USH2A: variants seen among roughly 807,000 people sequenced by gnomAD.
The protein encoded by USH2A is usherin, also known as Usher syndrome 2A (autosomal recessive, mild).
USH2A carries 443 observed loss-of-function variants against 538.9 expected under a neutral mutation model. The observed-to-expected ratio is 0.82, with a 90% CI of 0.76 to 0.89. The LOEUF (loss-of-function observed/expected upper bound fraction) is 0.89. Among genes scored for constraint, USH2A ranks in the 40% least tolerant of loss-of-function variants. The probability of loss-of-function intolerance (pLI) is 0.00; values close to 1 mark genes in which losing one functional copy is unlikely to be tolerated. For missense variants in USH2A, 6,633 were observed against 6,324.8 expected (o/e 1.05, Z -1.65); for synonymous variants, 2,413 against 2,273.5 (o/e 1.06, Z -1.75).
chr1:216,414,726 A>C (rs1316842942), intron 3 of USH2A, among the ~76,000 whole-genome samples: 2 of 152,100 alleles, frequency 1.3e-5, no homozygotes, highest in Non-Finnish European at 2.9e-5. Context: ...TTATTTTTTC[A>C]CATGCACAGA....
At chr1:216,075,658 T>A (rs1466665928) in intron 27 of USH2A, among the ~76,000 whole-genome samples, 1 of 152,304 alleles carries the variant, frequency 6.6e-6, no homozygotes, top group African/African-American at 2.4e-5. Flanking sequence ...GGCAGAGCAT[T>A]GCCTGTGAGA....
At position 216,413,725 on chromosome 1, in the gene USH2A, G is replaced by T. The variant is rs115764434; in HGVS notation, c.651+4789C>A. ...GCTCTTGAATTGTCAATGTATCAAG[G>T]AGCCCTGAAAATAGCATAGAAAATG... On this transcript the variant is annotated intron_variant, in intron 3 of 71. Coordinates refer to ENST00000307340, the MANE Select transcript of USH2A (RefSeq NM_206933.4). Among the ~76,000 whole-genome samples the T allele has an allele frequency of 2.9e-3, 443 of 152,088 alleles. 5 individuals carry two copies. The highest frequency in any genetic ancestry group is 0.01 in the African/African-American group (420 of 41,526).
Position 215,772,940 on chromosome 1 carries a change from C to A in USH2A, c.10940-6152G>T, listed in dbSNP as rs547728774. 1.2e-4 allele frequency among the ~76,000 whole-genome samples: 19 copies of A among 152,264 alleles called. 1 individual carries two copies. Among genetic ancestry groups the A allele is most frequent in the Non-Finnish European group, 1.9e-4 (13 of 68,022 alleles). On this transcript the variant is annotated intron_variant, in intron 55 of 71. Transcript: ENST00000307340. The stretch of plus-strand genomic sequence containing the variant: ...TAAAGTATTGTGAATAACCATCCTG[C>A]GGGTAAGTCATCTGTCCTGGCACCA...
chr1:215,837,940 C>T (rs766451223), intron 47 of USH2A, 51 bp downstream of exon 47: 1 of 1,415,124 alleles, frequency 7.1e-7, no homozygotes, highest in Non-Finnish European at 1.0e-6. Flanking sequence ...TTTTTATTTT[C>T]ATTTCTTCTG....
Position 215,625,856 on chromosome 1 carries a change from C to T in USH2A, c.15534G>A (p.Glu5178=), listed in dbSNP as rs762874407. The T allele has an allele frequency of 1.9e-6, 3 of 1,614,068 alleles. No individual in the cohort carries two copies. The highest frequency in any genetic ancestry group is 2.5e-6 in the Non-Finnish European group (3 of 1,179,950). The change falls in exon 72 of 72, where the codon GAG becomes GAA. Residue 5178 remains glutamate, a synonymous_variant. Coordinates refer to ENST00000307340, the MANE Select transcript of USH2A (RefSeq NM_206933.4). ...GHNSGLYVDE[E]DLMNAIKDFS... The stretch of plus-strand genomic sequence containing the variant: ...AATCCTTGATGGCGTTCATCAGGTC[C>T]TCTTCATCCACATACTGAAAAATAA...
intron 20 of USH2A, 61 bp downstream of exon 20, chr1:216,190,161 AT>A: frequency 6.2e-7 from 1 of 1,602,734 alleles, no homozygotes. Flanking sequence ...AAGGTGTTGA[AT>A]ATTATAAGTT....
At position 215,836,561 on chromosome 1, in the gene USH2A, A is replaced by ATT. The variant is rs1447368873; in HGVS notation, c.9371+1429_9371+1430insAA. Among the ~76,000 whole-genome samples the ATT allele has an allele frequency of 4.6e-4, 10 of 21,932 alleles. 2 individuals carry two copies. Among genetic ancestry groups the ATT allele is most frequent in the Middle Eastern group, 0.024 (1 of 42 alleles). The allele number at this position is 21,932 out of a possible 152,430, so 14.4% of individuals were successfully genotyped here. On this transcript the variant is annotated intron_variant, in intron 47 of 71. Coordinates refer to ENST00000307340, the MANE Select transcript of USH2A (RefSeq NM_206933.4). ...ATATATAATATATATATATATATAT[A>ATT]TATATTTTTTTTTGAGACAGAGTAT...
chr1:216,377,859 GAAA>G (rs2038861891), intron 3 of USH2A, among the ~76,000 whole-genome samples: 4 of 133,730 alleles, frequency 3.0e-5, no homozygotes, highest in South Asian at 2.5e-4. Flanking sequence ...AAGAAAGAAA[GAAA>G]GAAAGAAGGA....
At chr1:215,720,719 G>A (rs959752611) in intron 61 of USH2A, among the ~76,000 whole-genome samples, 1 of 151,986 alleles carries the variant, frequency 6.6e-6, no homozygotes, top group Admixed American at 6.5e-5. Flanking sequence ...GGCAAAAAAA[G>A]GTTGTAGGGT....
At chr1:216,251,404 A>G (rs530716013) in intron 11 of USH2A, among the ~76,000 whole-genome samples, 38 of 148,748 alleles carry the variant, frequency 2.6e-4, no homozygotes, top group South Asian at 8.5e-4. Flanking sequence ...AATAGAAAAT[A>G]GTCAGCAGTT....
At chr1:215,662,241 G>A (rs556186310) in intron 64 of USH2A, among the ~76,000 whole-genome samples, 1 of 152,320 alleles carries the variant, frequency 6.6e-6, no homozygotes, top group Admixed American at 6.5e-5. Context: ...CATGAGGGCA[G>A]GCTGGAATGG....
At chr1:216,237,489 C>T (rs1355094909) in intron 13 of USH2A, among the ~76,000 whole-genome samples, 5 of 139,414 alleles carry the variant, frequency 3.6e-5, no homozygotes, top group African/African-American at 8.0e-5. Flanking sequence ...AGCAAGACTC[C>T]GTCTTAAAAA....
At chr1:215,837,678 A>T (rs953378574) in intron 47 of USH2A, among the ~76,000 whole-genome samples, 2 of 152,178 alleles carry the variant, frequency 1.3e-5, no homozygotes, top group Non-Finnish European at 1.5e-5. Context: ...ATTACAATTA[A>T]GCTTGTATTA....
At chr1:215,837,660 A>T (rs1663570040) in intron 47 of USH2A, among the ~76,000 whole-genome samples, 1 of 152,174 alleles carries the variant, frequency 6.6e-6, no homozygotes, top group Admixed American at 6.5e-5. Context: ...TTAAGTTAGA[A>T]GGTAGTCATT....
At chr1:216,062,782 A>G (rs1233399702) in intron 30 of USH2A, among the ~76,000 whole-genome samples, 1 of 152,216 alleles carries the variant, frequency 6.6e-6, no homozygotes, top group African/African-American at 2.4e-5. Context: ...AGGAAGAAAT[A>G]TACAATATTG....
At chr1:215,886,172 C>A (rs144847232) in intron 41 of USH2A, among the ~76,000 whole-genome samples, 1 of 152,194 alleles carries the variant, frequency 6.6e-6, no homozygotes, top group African/African-American at 2.4e-5. Context: ...CCTGGAACAA[C>A]CCTCTATGAT....
At chr1:216,126,374 G>C (rs2033255170) in intron 21 of USH2A, among the ~76,000 whole-genome samples, 1 of 151,940 alleles carries the variant, frequency 6.6e-6, no homozygotes, top group Non-Finnish European at 1.5e-5. Context: ...CAGGTGCATG[G>C]CACTATGCCT....
chr1:216,381,019 T>C (rs1258594288), intron 3 of USH2A, among the ~76,000 whole-genome samples: 1 of 151,964 alleles, frequency 6.6e-6, no homozygotes, highest in Admixed American at 6.6e-5. Flanking sequence ...TAATATCTAA[T>C]AAAATATGCC....
intron 19 of USH2A, 131 bp from the exon 20 acceptor site, chr1:216,190,498 G>GTT (rs746805392): frequency 0.022 from 19,587 of 908,986 alleles, no homozygotes; most frequent in East Asian, 0.039. Context: ...TAGGAAAAGG[G>GTT]TTTTTTTTTT....
Sources: gnomAD v4.1 joint callset for allele counts (sites outside exome capture counted in the v4.1 genomes callset) on GRCh38, gnomAD v4.1.1 for gene constraint, MANE v1.5 for transcripts, NCBI Gene and HGNC (gene_info 2026-07-23, HGNC 2026-07-21) for gene names.